Variants in RSRC1 observed in about 807,000 individuals in gnomAD.
The protein encoded by RSRC1 is serine/Arginine-related protein 53.
RSRC1 carries 39 observed loss-of-function variants against 49.1 expected under a neutral mutation model. The observed-to-expected ratio is 0.79, with a 90% CI of 0.61 to 1.04. RSRC1 has a LOEUF of 1.04. Among genes scored for constraint, RSRC1 ranks in the 50% least tolerant of loss-of-function variants. The probability of loss-of-function intolerance (pLI) is 0.00; values close to 1 mark genes in which losing one functional copy is unlikely to be tolerated. For missense variants in RSRC1, 388 were observed against 402.4 expected (o/e 0.96, Z 0.31); for synonymous variants, 143 against 130.8 (o/e 1.09, Z -0.63).
At chr3:158,422,629 T>C (rs1212060136) in intron 6 of RSRC1, among the ~76,000 whole-genome samples, 4 of 150,514 alleles carry the variant, frequency 2.7e-5, no homozygotes, top group Non-Finnish European at 6.0e-5. Flanking sequence ...TTTCTAGTTC[T>C]AGATCCCTGA....
intron 6 of RSRC1, among the ~76,000 whole-genome samples, chr3:158,449,748 C>A (rs1216523102): frequency 6.6e-6 from 1 of 151,970 alleles, no homozygotes; most frequent in Non-Finnish European, 1.5e-5. Context: ...CTTGACTGCA[C>A]TGAATATGAT....
chr3:158,468,191 C>G (rs551852723), intron 7 of RSRC1, among the ~76,000 whole-genome samples: 2 of 152,296 alleles, frequency 1.3e-5, no homozygotes, highest in Middle Eastern at 3.4e-3. Flanking sequence ...CCTCGGCCTC[C>G]CAAAGTGCTG....
chr3:158,343,127 T>A (rs997009213), intron 5 of RSRC1, among the ~76,000 whole-genome samples: 57 of 152,220 alleles, frequency 3.7e-4, no homozygotes, highest in African/African-American at 1.4e-3. Context: ...AATAGCCACC[T>A]AAAATGATTA....
chr3:158,286,311 G>A (rs1039339290), intron 4 of RSRC1, among the ~76,000 whole-genome samples: 1 of 152,258 alleles, frequency 6.6e-6, no homozygotes, highest in East Asian at 1.9e-4. Flanking sequence ...TAGCTGAGCG[G>A]TATAGTGTGA....
At chr3:158,284,182 G>T (rs1489803665) in intron 4 of RSRC1, among the ~76,000 whole-genome samples, 5 of 151,680 alleles carry the variant, frequency 3.3e-5, no homozygotes, top group Non-Finnish European at 7.4e-5. Context: ...TGAGAATGAT[G>T]ATTTCCAATT....
intron 4 of RSRC1, among the ~76,000 whole-genome samples, chr3:158,248,902 C>CAA (rs113903840): frequency 1.3e-5 from 2 of 151,710 alleles, no homozygotes; most frequent in Admixed American, 6.6e-5. Context: ...AGGCCTAGTA[C>CAA]CACTGTACAT....
intron 3 of RSRC1, among the ~76,000 whole-genome samples, chr3:158,180,496 C>G (rs184758376): frequency 2.2e-5 from 3 of 133,502 alleles, no homozygotes; most frequent in African/African-American, 8.7e-5. Context: ...GAGGCACGGT[C>G]TCATTCTGTC....
intron 5 of RSRC1, among the ~76,000 whole-genome samples, chr3:158,314,507 A>G (rs930386435): frequency 1.3e-5 from 2 of 152,208 alleles, no homozygotes; most frequent in African/African-American, 4.8e-5. Context: ...ATAAGCAGAA[A>G]TAAAGCTATG....
chr3:158,161,873 G>A (rs935104316), intron 3 of RSRC1, among the ~76,000 whole-genome samples: 1 of 152,032 alleles, frequency 6.6e-6, no homozygotes, highest in East Asian at 1.9e-4. Context: ...GGCAAGGGGG[G>A]GCTCAAAATT....
intron 3 of RSRC1, among the ~76,000 whole-genome samples, chr3:158,130,222 A>G (rs552632167): frequency 1.8e-3 from 277 of 152,228 alleles, no homozygotes; most frequent in Non-Finnish European, 3.0e-3. Context: ...GAATCCTGTC[A>G]TGAGGGCTCC....
chr3:158,222,619 C>A (rs1458805506), intron 4 of RSRC1, among the ~76,000 whole-genome samples: 1 of 151,550 alleles, frequency 6.6e-6, no homozygotes, highest in Admixed American at 6.6e-5. Flanking sequence ...TCCCCCACCC[C>A]TTATATTTCC....
intron 4 of RSRC1, among the ~76,000 whole-genome samples, chr3:158,241,634 T>C (rs570331574): frequency 1.3e-5 from 2 of 152,222 alleles, no homozygotes; most frequent in South Asian, 4.1e-4. Context: ...AGCAAAGCAG[T>C]TATGTAAACT....
intron 6 of RSRC1, among the ~76,000 whole-genome samples, chr3:158,459,063 A>T (rs894033551): frequency 6.6e-6 from 1 of 152,124 alleles, no homozygotes; most frequent in Non-Finnish European, 1.5e-5. Context: ...TGCTTTTAAG[A>T]TTAATTATTA....
At chr3:158,239,960 C>CA (rs1371765305) in intron 4 of RSRC1, among the ~76,000 whole-genome samples, 1 of 151,806 alleles carries the variant, frequency 6.6e-6, no homozygotes, top group Admixed American at 6.6e-5. Flanking sequence ...TTTCAAGTTC[C>CA]AAAAAAACAA....
At chr3:158,394,851 T>C (rs1333210308) in intron 6 of RSRC1, among the ~76,000 whole-genome samples, 4 of 152,104 alleles carry the variant, frequency 2.6e-5, no homozygotes, top group Non-Finnish European at 4.4e-5. Context: ...AAAATTCATA[T>C]GGAACCGAAA....
Position 158,123,971 on chromosome 3 carries a change from G to T in RSRC1, c.300G>T (p.Arg100Ser). 6.2e-7 allele frequency: 1 copy of T among 1,601,480 alleles called. No homozygotes were observed. Among genetic ancestry groups the T allele is most frequent in the Non-Finnish European group, 8.5e-7 (1 of 1,174,310 alleles). ...AATCCTATAGAGTTCAGAGGTCTAG[G>T]TCAAAAAGCAGAACAAGAAGGTATG... The part of the protein sequence containing the change: ...RGKSYRVQRS[R>S]SKSRTRRSRS... The change falls in exon 3 of 10, where the codon AGG becomes AGT. Residue 100 changes from arginine (R) to serine (S), a missense_variant. Coordinates refer to ENST00000611884, the MANE Select transcript of RSRC1 (RefSeq NM_001271838.2).
At chr3:158,494,977 G>T (rs1739254181) in intron 7 of RSRC1, among the ~76,000 whole-genome samples, 1 of 152,188 alleles carries the variant, frequency 6.6e-6, no homozygotes, top group Non-Finnish European at 1.5e-5. Flanking sequence ...TCATTTATCA[G>T]CAAGTATTAT....
intron 6 of RSRC1, among the ~76,000 whole-genome samples, chr3:158,425,229 T>C (rs1735342859): frequency 6.6e-6 from 1 of 152,126 alleles, no homozygotes. Flanking sequence ...TGCTATAAAT[T>C]TCCCTCTACA....
chr3:158,480,465 CT>C (rs1175143733), intron 7 of RSRC1, among the ~76,000 whole-genome samples: 2 of 151,956 alleles, frequency 1.3e-5, no homozygotes, highest in East Asian at 3.9e-4. Flanking sequence ...TGAAGGAAAA[CT>C]TTTTACTTTT....
Sources: gnomAD v4.1 joint callset for allele counts (sites outside exome capture counted in the v4.1 genomes callset) on GRCh38, gnomAD v4.1.1 for gene constraint, MANE v1.5 for transcripts, NCBI Gene and HGNC (gene_info 2026-07-23, HGNC 2026-07-21) for gene names.